CLSTN2: variants seen among roughly 807,000 people sequenced by gnomAD.
The protein encoded by CLSTN2 is calsyntenin-2.
CLSTN2 carries 48 observed loss-of-function variants against 101.2 expected under a neutral mutation model. That is an observed-to-expected ratio of 0.47 (90% CI 0.38 to 0.60). The LOEUF (loss-of-function observed/expected upper bound fraction) is 0.60, where lower values mean the gene tolerates loss of function less well. Ranked by LOEUF, CLSTN2 falls within the 20% of genes least tolerant of loss-of-function variation. CLSTN2 has a pLI of 0.00. For missense variants in CLSTN2, 1,160 were observed against 1,238.2 expected, an observed-to-expected ratio of 0.94 and a Z score of 0.95; for synonymous variants, 481 against 463.6, an observed-to-expected ratio of 1.04 and a Z score of -0.48.
At chr3:140,412,654 C>T (rs1313604470) in intron 4 of CLSTN2, among the ~76,000 whole-genome samples, 3 of 152,110 alleles carry the variant, frequency 2.0e-5, no homozygotes, top group African/African-American at 7.2e-5. Context: ...TTCACTATAG[C>T]CATTAAGTCT....
chr3:140,521,019 C>T (rs998063565), intron 8 of CLSTN2, among the ~76,000 whole-genome samples: 4 of 148,652 alleles, frequency 2.7e-5, no homozygotes, highest in Non-Finnish European at 5.9e-5. Context: ...GCTCCCATAT[C>T]GTTTTATCAT....
intron 1 of CLSTN2, among the ~76,000 whole-genome samples, chr3:140,124,826 A>T (rs2107801067): frequency 6.6e-6 from 1 of 152,320 alleles, no homozygotes; most frequent in South Asian, 2.1e-4. Context: ...TTAGTGCAGG[A>T]TGAGAACATG....
chr3:140,427,323 A>G (rs2088583473), intron 5 of CLSTN2, among the ~76,000 whole-genome samples: 1 of 151,150 alleles, frequency 6.6e-6, no homozygotes, highest in African/African-American at 2.4e-5. Context: ...GGACCATGGT[A>G]GATAAACTGG....
At chr3:140,352,235 T>C (rs1473866695) in intron 2 of CLSTN2, among the ~76,000 whole-genome samples, 2 of 152,222 alleles carry the variant, frequency 1.3e-5, no homozygotes, top group South Asian at 4.1e-4. Flanking sequence ...TCTTTATCAA[T>C]CAAAGCCAAA....
intron 1 of CLSTN2, among the ~76,000 whole-genome samples, chr3:140,057,830 A>C (rs907266299): frequency 1.3e-5 from 2 of 152,220 alleles, no homozygotes; most frequent in East Asian, 1.9e-4. Flanking sequence ...CTTATTTCCA[A>C]GTCATAGATT....
At chr3:140,384,287 A>C (rs943867260) in intron 2 of CLSTN2, among the ~76,000 whole-genome samples, 2 of 152,206 alleles carry the variant, frequency 1.3e-5, no homozygotes, top group Admixed American at 6.5e-5. Flanking sequence ...ATTTCCTAGC[A>C]AATAATCGTT....
intron 8 of CLSTN2, among the ~76,000 whole-genome samples, chr3:140,529,168 C>A (rs1299776081): frequency 1.3e-5 from 2 of 152,226 alleles, no homozygotes; most frequent in African/African-American, 4.8e-5. Context: ...CTGACTCACA[C>A]TGAAATTCCA....
chr3:140,228,690 G>T (rs956125573), intron 2 of CLSTN2, among the ~76,000 whole-genome samples: 1 of 152,182 alleles, frequency 6.6e-6, no homozygotes, highest in African/African-American at 2.4e-5. Context: ...GTTCCACGTG[G>T]CTGGGGGCCT....
At chr3:140,040,040 A>G (rs2007729963) in intron 1 of CLSTN2, among the ~76,000 whole-genome samples, 2 of 152,196 alleles carry the variant, frequency 1.3e-5, no homozygotes, top group African/African-American at 4.8e-5. Flanking sequence ...TCCATCTTCT[A>G]TAAGCCAAGC....
At chr3:140,384,242 C>A (rs1454333691) in intron 2 of CLSTN2, among the ~76,000 whole-genome samples, 1 of 152,210 alleles carries the variant, frequency 6.6e-6, no homozygotes, top group Admixed American at 6.5e-5. Flanking sequence ...CCAGGGAGCA[C>A]GTTCCACTCC....
At chr3:140,257,236 G>A (rs1418171714) in intron 2 of CLSTN2, among the ~76,000 whole-genome samples, 4 of 152,144 alleles carry the variant, frequency 2.6e-5, no homozygotes, top group African/African-American at 7.2e-5. Context: ...CATGCTACAT[G>A]TGGAAAAGTC....
Position 140,490,596 on chromosome 3 carries a change from G to GAAAA in CLSTN2, c.1344+23882_1344+23885dup, listed in dbSNP as rs71149081. Among the ~76,000 whole-genome samples the GAAAA allele has an allele frequency of 9.2e-3, 825 of 90,044 alleles. 10 individuals carry two copies. Among genetic ancestry groups the GAAAA allele is most frequent in the Non-Finnish European group, 0.014 (653 of 47,330 alleles). 59.1% of individuals were successfully genotyped at this position (90,044 alleles called of 152,430 possible). A position where few individuals can be genotyped will look rare whatever the true frequency, so the allele number is the denominator to read the frequency against. ...GGTGACAGAGCGAGACCTTGTCTCA[G>GAAAA]AAAAAAAAAAAAAAAAAAAACATGG... On this transcript the variant is annotated intron_variant, in intron 8 of 16. Transcript: ENST00000458420.
intron 1 of CLSTN2, among the ~76,000 whole-genome samples, chr3:140,082,411 G>C (rs1576420488): frequency 6.6e-6 from 1 of 152,144 alleles, no homozygotes; most frequent in East Asian, 1.9e-4. Context: ...ATCTTTTCAG[G>C]CTTTGCATTG....
At position 140,532,442 on chromosome 3, in the gene CLSTN2, C is replaced by T. The variant is rs992163834; in HGVS notation, c.1463C>T (p.Pro488Leu). 6.2e-7 allele frequency: 1 copy of T among 1,613,876 alleles called. No homozygotes were observed. The highest frequency in any genetic ancestry group is 1.3e-5 in the African/African-American group (1 of 74,902). ...YLVTNDWPIHPSHIAMQLTVG... is the reference protein window; with the variant it reads ...YLVTNDWPIHLSHIAMQLTVG... ...GTGACCAACGACTGGCCCATTCATC[C>T]ATCTCACATAGCCATGCAACTCACA... is the stretch of plus-strand genomic sequence containing the variant. Residue 488 changes from proline to leucine, a missense_variant, in exon 9 of 17, where the codon CCA becomes CTA. Physicochemically the swap from Pro to Leu is moderately conservative, Grantham distance 98 (BLOSUM62 -3). Coordinates refer to ENST00000458420, the MANE Select transcript of CLSTN2 (RefSeq NM_022131.3).
chr3:139,952,728 C>T lies in CLSTN2; in HGVS notation c.109+17245C>T, dbSNP rs929918448. ...TAAATTCAGGCCTTTGCTACCTGTT[C>T]GTTTCCCATTTCACCGTCGTCTCAC... On this transcript the variant is annotated intron_variant, in intron 1 of 16. Transcript: ENST00000458420. Among the ~76,000 whole-genome samples, 8 of 152,132 alleles carry T rather than the reference C, an allele frequency of 5.3e-5. 1 individual carries two copies. The East Asian group carries it at 7.7e-4, about 15-fold the overall frequency.
chr3:140,127,726 A>G (rs2009458214), intron 1 of CLSTN2, among the ~76,000 whole-genome samples: 1 of 152,192 alleles, frequency 6.6e-6, no homozygotes. Flanking sequence ...ATAGGCTGGA[A>G]TAAGAATAGG....
chr3:140,502,037 C>A (rs1400252387), intron 8 of CLSTN2, among the ~76,000 whole-genome samples: 1 of 152,102 alleles, frequency 6.6e-6, no homozygotes, highest in Admixed American at 6.5e-5. Flanking sequence ...AATAGTAATA[C>A]CTCCAAGAAT....
chr3:139,972,290 TG>T (rs960716640), intron 1 of CLSTN2, among the ~76,000 whole-genome samples: 3 of 151,494 alleles, frequency 2.0e-5, no homozygotes, highest in Non-Finnish European at 2.9e-5. Flanking sequence ...GATAGGACCC[TG>T]GGGGGTGTGG....
chr3:140,246,436 G>C lies in CLSTN2; in HGVS notation c.232+70363G>C, dbSNP rs546308525. Among the ~76,000 whole-genome samples the C allele has an allele frequency of 2.7e-4, 41 of 152,212 alleles. 1 individual carries two copies. The South Asian group carries it at 8.5e-3, about 32-fold the overall frequency. On this transcript the variant is annotated intron_variant, in intron 2 of 16. Coordinates refer to ENST00000458420, the MANE Select transcript of CLSTN2 (RefSeq NM_022131.3). ...CTGCTTCCCTTCCTGTTTGAGCCAG[G>C]TGAAGGAATCGGACATATGTGAATC...
Sources: allele counts gnomAD v4.1 joint callset (sites outside exome capture counted in the v4.1 genomes callset), GRCh38; gene constraint gnomAD v4.1.1; transcripts MANE v1.5; gene names NCBI Gene and HGNC (gene_info 2026-07-23, HGNC 2026-07-21).